Variants in MAD1L1 observed in about 807,000 individuals in gnomAD.
MAD1L1 encodes mitotic arrest deficient 1 like 1, also known as mitotic spindle assembly checkpoint protein MAD1.
In MAD1L1, 95 loss-of-function variants were observed where a neutral mutation model predicts 96.9. The ratio of observed to expected loss-of-function variants is 0.98; its 90% confidence interval spans 0.83 to 1.16. The LOEUF (loss-of-function observed/expected upper bound fraction) is 1.16, where lower values mean the gene tolerates loss of function less well. Among genes scored for constraint, MAD1L1 ranks in the 50% most tolerant of loss-of-function variants. The pLI is 0.00. For synonymous variants in MAD1L1, 473 were observed against 396.6 expected, an observed-to-expected ratio of 1.19 and a Z score of -2.29; for missense variants, 1,007 against 954.4, an observed-to-expected ratio of 1.06 and a Z score of -0.73.
intron 17 of MAD1L1, among the ~76,000 whole-genome samples, chr7:1,920,053 G>A (rs932736557): frequency 6.6e-6 from 1 of 152,028 alleles, no homozygotes; most frequent in African/African-American, 2.4e-5. Flanking sequence ...GCGCACAGCA[G>A]GGCTGCAGCA....
chr7:1,890,769 G>A (rs906962578), intron 18 of MAD1L1, among the ~76,000 whole-genome samples: 15 of 152,174 alleles, frequency 9.9e-5, no homozygotes, highest in Non-Finnish European at 2.1e-4. Flanking sequence ...GGGTGCTCAC[G>A]GGCCCCACTT....
chr7:2,143,727 C>T (rs1279499149), intron 11 of MAD1L1, among the ~76,000 whole-genome samples: 4 of 152,104 alleles, frequency 2.6e-5, no homozygotes, highest in African/African-American at 9.7e-5. Flanking sequence ...TGGCTTCAGG[C>T]CAAGGGCTCT....
At chr7:2,031,179 G>A (rs1783210042) in intron 12 of MAD1L1, among the ~76,000 whole-genome samples, 1 of 152,130 alleles carries the variant, frequency 6.6e-6, no homozygotes, top group African/African-American at 2.4e-5. Context: ...GAGGAAGCAC[G>A]GGGTCCTCTC....
At chr7:2,130,128 A>T (rs1314411303) in intron 11 of MAD1L1, among the ~76,000 whole-genome samples, 1 of 152,256 alleles carries the variant, frequency 6.6e-6, no homozygotes, top group Non-Finnish European at 1.5e-5. Flanking sequence ...GTCAGGAGGC[A>T]AATGCCCTCC....
chr7:1,957,820 C>A (rs1446439610), intron 15 of MAD1L1, 101 bp from the exon 16 acceptor site: 2 of 923,606 alleles, frequency 2.2e-6, no homozygotes, highest in Non-Finnish European at 3.5e-6. Context: ...GGAGACCCAG[C>A]TATACAGCTT....
intron 18 of MAD1L1, among the ~76,000 whole-genome samples, chr7:1,896,098 G>C (rs1389406385): frequency 3.9e-5 from 6 of 152,190 alleles, no homozygotes; most frequent in Admixed American, 3.9e-4. Flanking sequence ...GGGCTGGGGA[G>C]CTGGCCAGCT....
In MAD1L1 at chr7:2,103,850, G is replaced by T. The variant is rs927052955; in HGVS notation, c.1074-34512C>A. On this transcript the variant is annotated intron_variant, in intron 11 of 18. Transcript: ENST00000265854. This position sits in a 1 kb window ranked among gnomAD's most constrained non-coding sequence, Gnocchi z 4.3. Reference sequence around the variant, plus strand: ...AGGTGGTGTCCGGACTCTGGAGATGGGGTGGGAAAAGGCAAGGAATGCGGG... The same window carrying T: ...AGGTGGTGTCCGGACTCTGGAGATGTGGTGGGAAAAGGCAAGGAATGCGGG... Among the ~76,000 whole-genome samples, 4 of 152,180 alleles carry T rather than the reference G, an allele frequency of 2.6e-5. No individual in the cohort carries two copies. Among genetic ancestry groups the T allele is most frequent in the African/African-American group, 9.7e-5 (4 of 41,430 alleles).
At chr7:1,816,314 G>A (rs1233865836) in intron 18 of MAD1L1, 86 bp from the exon 19 acceptor site, 15 of 1,360,738 alleles carry the variant, frequency 1.1e-5, no homozygotes, top group Non-Finnish European at 1.4e-5. Context: ...AGCCCCTCCA[G>A]CCATGGGGGC....
intron 16 of MAD1L1, among the ~76,000 whole-genome samples, chr7:1,942,917 T>G (rs1779066488): frequency 6.6e-6 from 1 of 152,130 alleles, no homozygotes; most frequent in African/African-American, 2.4e-5. Flanking sequence ...TGGTGTGGTG[T>G]GGGCATGAGG....
In MAD1L1 at chr7:1,974,455, C is replaced by G. The variant is rs181898557; in HGVS notation, c.1505+5998G>C. On this transcript the variant is annotated intron_variant, in intron 15 of 18. Transcript: ENST00000265854. ...AGCACTATTATTAACATCAAAGACACAGTGACCCCACTGCACTCATGAACA... is the reference window on the plus strand; with the variant it reads ...AGCACTATTATTAACATCAAAGACAGAGTGACCCCACTGCACTCATGAACA... Among the ~76,000 whole-genome samples the G allele has an allele frequency of 1.7e-3, 252 of 152,290 alleles. 1 individual carries two copies. The highest frequency in any genetic ancestry group is 5.7e-3 in the African/African-American group (239 of 41,566).
chr7:1,883,841 G>A (rs916735493), intron 18 of MAD1L1, among the ~76,000 whole-genome samples: 1 of 152,188 alleles, frequency 6.6e-6, no homozygotes, highest in Non-Finnish European at 1.5e-5. Context: ...CCGAGTTCCA[G>A]GACTCGACCG....
At chr7:1,893,410 G>A (rs761623391) in intron 18 of MAD1L1, among the ~76,000 whole-genome samples, 17 of 152,242 alleles carry the variant, frequency 1.1e-4, no homozygotes, top group Non-Finnish European at 2.1e-4. Context: ...TCTGTCTGCA[G>A]CCCCCTTTCT....
rs561806845 is a variant in MAD1L1, at chr7:2,130,606, T to G, written c.1073+18546A>C. On this transcript the variant is annotated intron_variant, in intron 11 of 18. Coordinates refer to ENST00000265854, the MANE Select transcript of MAD1L1 (RefSeq NM_001013836.2). ...CCTACTTGTAAAAGAAAATAAAATG[T>G]CAGGACCCTCTCAGTTTATTATGCC... Among the ~76,000 whole-genome samples the G allele has an allele frequency of 4.4e-4, 67 of 151,468 alleles. 1 individual carries two copies. The South Asian group carries it at 0.014, about 31-fold the overall frequency.
intron 15 of MAD1L1, among the ~76,000 whole-genome samples, chr7:1,970,527 T>C (rs1015162534): frequency 2.6e-5 from 4 of 151,904 alleles, no homozygotes; most frequent in Non-Finnish European, 5.9e-5. Context: ...AGAGACGGGG[T>C]TTCGCTATGT....
At chr7:2,183,147 A>C (rs1791283580) in intron 10 of MAD1L1, among the ~76,000 whole-genome samples, 2 of 151,770 alleles carry the variant, frequency 1.3e-5, no homozygotes, top group East Asian at 3.9e-4. Context: ...CAGGAGTTAG[A>C]GGCTGCTGTG....
chr7:2,144,041 G>A (rs574560500), intron 11 of MAD1L1, among the ~76,000 whole-genome samples: 3 of 152,342 alleles, frequency 2.0e-5, no homozygotes, highest in East Asian at 3.9e-4. Flanking sequence ...GGCCAAAGCC[G>A]AGACGGCAGC....
At chr7:1,988,797 G>A (rs528137418) in intron 14 of MAD1L1, among the ~76,000 whole-genome samples, 92 of 152,310 alleles carry the variant, frequency 6.0e-4, no homozygotes, top group Non-Finnish European at 1.0e-3. Flanking sequence ...GGCAGTCCTA[G>A]CACTGAGCCT....
At chr7:2,039,744 T>A (rs768952664) in intron 12 of MAD1L1, among the ~76,000 whole-genome samples, 3 of 152,196 alleles carry the variant, frequency 2.0e-5, no homozygotes, top group Non-Finnish European at 4.4e-5. Flanking sequence ...AGTTTTCTCA[T>A]CTATTACAGA....
chr7:1,964,968 C>A (rs1313550284), intron 15 of MAD1L1, among the ~76,000 whole-genome samples: 1 of 152,224 alleles, frequency 6.6e-6, no homozygotes, highest in Non-Finnish European at 1.5e-5. Context: ...CCCAGGCCAG[C>A]CTCCCACGGG....
Sources: gnomAD v4.1 joint callset for allele counts (sites outside exome capture counted in the v4.1 genomes callset) on GRCh38, gnomAD v4.1.1 for gene constraint, Gnocchi (gnomAD v3.1) non-coding constraint, MANE v1.5 for transcripts, NCBI Gene and HGNC (gene_info 2026-07-23, HGNC 2026-07-21) for gene names.